CTSC: variants seen among roughly 807,000 people sequenced by gnomAD.
The protein encoded by CTSC is cathepsin C.
Under a neutral mutation model 40.9 loss-of-function variants are expected in CTSC, and 37 were observed. The ratio of observed to expected loss-of-function variants is 0.91; its 90% CI spans 0.70 to 1.19. The LOEUF (loss-of-function observed/expected upper bound fraction) is 1.19, where lower values mean the gene tolerates loss of function less well. CTSC is among the 50% of genes most tolerant of loss of function. CTSC has a pLI of 0.00. For synonymous variants in CTSC, 232 were observed against 207.4 expected (o/e 1.12, Z -1.02); for missense variants, 594 against 567.3 (o/e 1.05, Z -0.48).
intron 2 of CTSC, chr11:88,320,991 TTA>T: frequency 4.1e-6 from 4 of 985,292 alleles, no homozygotes; most frequent in Non-Finnish European, 4.8e-6. Flanking sequence ...CTAAGCCTTA[TTA>T]TATTCAGGGA....
chr11:88,335,088 GAAAA>G lies in CTSC; in HGVS notation c.173-10_173-7del. On this transcript the variant is annotated splice_polypyrimidine_tract_variant and splice_region_variant and intron_variant, in intron 1 of 6. Coordinates refer to ENST00000227266, the MANE Select transcript of CTSC (RefSeq NM_001814.6). ...TACTTTTTTTTCTTGTGGTCCTAAA[GAAAA>G]AAAAAAAAAGCACAATAAAGGAAAA... The G allele has an allele frequency of 3.3e-6, 4 of 1,227,328 alleles. No individual in the cohort carries two copies. Among genetic ancestry groups the G allele is most frequent in the African/African-American group, 1.8e-5 (1 of 55,146 alleles). The allele number at this position is 1,227,328 out of a possible 1,614,324, so 76.0% of individuals were successfully genotyped here.
chr11:88,308,057 G>A (rs987591279), intron 4 of CTSC, among the ~76,000 whole-genome samples: 5 of 152,296 alleles, frequency 3.3e-5, no homozygotes, highest in African/African-American at 1.2e-4. Flanking sequence ...GAGAGGTAGC[G>A]ACGAAAGAGA....
Position 88,293,889 on chromosome 11 carries a change from T to G in CTSC, c.*117A>C. ...AGTTTTAATTCTGAAGACAAATATCTTCATGGAAATCTATTTGTAAGCTTC... is the reference window on the plus strand; with the variant it reads ...AGTTTTAATTCTGAAGACAAATATCGTCATGGAAATCTATTTGTAAGCTTC... On this transcript the variant is annotated 3_prime_UTR_variant, in exon 7 of 7. Transcript: ENST00000227266. 3 of 1,260,834 alleles carry G rather than the reference T, an allele frequency of 2.4e-6. No homozygotes were observed. In the South Asian group the frequency reaches 3.6e-5, roughly 15 times the overall value. 78.1% of individuals were successfully genotyped at this position (1,260,834 alleles called of 1,614,324 possible).
intron 2 of CTSC, chr11:88,321,860 A>G (rs1442177491): frequency 6.6e-6 from 1 of 152,202 alleles, no homozygotes; most frequent in Non-Finnish European, 1.5e-5. Context: ...ACAGTGGTTG[A>G]ATTAGTTGAC....
intron 4 of CTSC, among the ~76,000 whole-genome samples, chr11:88,305,700 G>T (rs1426812026): frequency 6.6e-6 from 1 of 152,170 alleles, no homozygotes; most frequent in African/African-American, 2.4e-5. Flanking sequence ...TATAATATCT[G>T]CTTTCATATT....
intron 4 of CTSC, among the ~76,000 whole-genome samples, chr11:88,306,809 C>A (rs1216853582): frequency 6.6e-6 from 1 of 152,188 alleles, no homozygotes; most frequent in Admixed American, 6.5e-5. Context: ...GGTCTAATGA[C>A]CTGATTAACA....
chr11:88,299,416 A>G (rs531479174), intron 5 of CTSC: 7 of 152,252 alleles, frequency 4.6e-5, no homozygotes, highest in African/African-American at 1.7e-4. Flanking sequence ...CAGGACCTAT[A>G]CTTTCTTTAG....
intron 6 of CTSC, 53 bp from the exon 7 acceptor site, chr11:88,294,561 AT>A: frequency 1.3e-6 from 2 of 1,597,512 alleles, no homozygotes; most frequent in South Asian, 2.2e-5. Flanking sequence ...GGATTATCCC[AT>A]TTTCTATTTT....
chr11:88,299,939 A>G (rs1015460141), intron 5 of CTSC, among the ~76,000 whole-genome samples: 2 of 152,238 alleles, frequency 1.3e-5, no homozygotes, highest in Non-Finnish European at 2.9e-5. Context: ...GTAAAATTCA[A>G]TAATAGGAAT....
At chr11:88,316,279 C>T (rs569392701) in intron 2 of CTSC, among the ~76,000 whole-genome samples, 1 of 152,160 alleles carries the variant, frequency 6.6e-6, no homozygotes. Flanking sequence ...GAGCAAGTCA[C>T]GTTCCTCTCT....
chr11:88,335,449 C>T (rs1305633369), intron 1 of CTSC, among the ~76,000 whole-genome samples: 2 of 152,128 alleles, frequency 1.3e-5, no homozygotes, highest in African/African-American at 4.8e-5. Context: ...TGGTGCATTG[C>T]CTGTAGTCCC....
At chr11:88,324,803 G>C in intron 2 of CTSC, 1 of 985,312 alleles carries the variant, frequency 1.0e-6, no homozygotes, top group Non-Finnish European at 1.2e-6. Context: ...TCAAGGTCCT[G>C]AGTGATAAAG....
Position 88,326,564 on chromosome 11 carries a change from C to G in CTSC, c.318+8373G>C. On this transcript the variant is annotated intron_variant, in intron 2 of 6. Transcript: ENST00000227266. Reference sequence around the variant, plus strand: ...AAATACCAGCACTGATATTTGAGATCCTGGTATATTTTTGTAAATGTTAAG... The same window carrying G: ...AAATACCAGCACTGATATTTGAGATGCTGGTATATTTTTGTAAATGTTAAG... 1.4e-5 allele frequency: 10 copies of G among 713,944 alleles called. No homozygotes were observed. In the South Asian group the frequency reaches 1.7e-4, roughly 12 times the overall value. 44.2% of individuals were successfully genotyped at this position (713,944 alleles called of 1,614,324 possible).
chr11:88,294,229 T>C lies in CTSC; in HGVS notation c.1169A>G (p.His390Arg). Residue 390 changes from histidine to arginine, a missense_variant, in exon 7 of 7, where the codon CAC becomes CGC. His to Arg is a conservative substitution (Grantham distance 29). Transcript: ENST00000227266. ...GTTGAAAGGGTCTCTTAGACCAGTG[T>C]GGTGGTAGATCCCCTTTTTGTAGTG... ...FLHYKKGIYH[H>R]TGLRDPFNPF... 1 of 1,614,062 alleles carries C rather than the reference T, an allele frequency of 6.2e-7. No individual in the cohort carries two copies. Among genetic ancestry groups the C allele is most frequent in the Non-Finnish European group, 8.5e-7 (1 of 1,180,008 alleles).
At chr11:88,313,692 C>T (rs1186081689) in intron 2 of CTSC, among the ~76,000 whole-genome samples, 1 of 152,038 alleles carries the variant, frequency 6.6e-6, no homozygotes, top group East Asian at 1.9e-4. Context: ...GACTTGGGCA[C>T]AGACAATTTC....
At chr11:88,298,478 G>A (rs1469134033) in intron 5 of CTSC, 1 of 152,126 alleles carries the variant, frequency 6.6e-6, no homozygotes, top group African/African-American at 2.4e-5. Context: ...CTACAGAAAA[G>A]CTGTGAATTC....
rs146405677 is a variant in CTSC, at chr11:88,315,809, G to A, written c.319-3255C>T. On this transcript the variant is annotated intron_variant, in intron 2 of 6. Coordinates refer to ENST00000227266, the MANE Select transcript of CTSC (RefSeq NM_001814.6). Reference sequence around the variant, plus strand: ...ACAATTACTAAAATCACTGACGGGAGATACCCAGAAATGACAGAAAAGGCT... The same window carrying A: ...ACAATTACTAAAATCACTGACGGGAAATACCCAGAAATGACAGAAAAGGCT... Among the ~76,000 whole-genome samples the A allele has an allele frequency of 3.7e-3, 559 of 152,228 alleles. 5 individuals carry two copies. Among genetic ancestry groups the A allele is most frequent in the Non-Finnish European group, 2.8e-3 (191 of 68,010 alleles).
intron 2 of CTSC, chr11:88,322,711 T>G (rs1037300593): frequency 6.6e-6 from 1 of 152,124 alleles, no homozygotes; most frequent in Non-Finnish European, 1.5e-5. Context: ...CTCCCAAGAC[T>G]GAATCAGGAA....
At chr11:88,329,286 AG>A (rs1938275189) in intron 2 of CTSC, among the ~76,000 whole-genome samples, 1 of 152,038 alleles carries the variant, frequency 6.6e-6, no homozygotes, top group African/African-American at 2.4e-5. Context: ...GTTCAAGACC[AG>A]TCTGGTCAAC....
Sources: allele counts gnomAD v4.1 joint callset (sites outside exome capture counted in the v4.1 genomes callset), GRCh38; gene constraint gnomAD v4.1.1; transcripts MANE v1.5; gene names NCBI Gene and HGNC (gene_info 2026-07-23, HGNC 2026-07-21).